Variants in SNX31 observed in about 807,000 individuals in gnomAD.
SNX31 encodes sorting nexin-31.
Under a neutral mutation model 65.4 loss-of-function variants are expected in SNX31, and 58 were observed. That is an observed-to-expected ratio of 0.89 (90% CI 0.72 to 1.10). SNX31 has a LOEUF of 1.10. Ranked by LOEUF, SNX31 falls within the 50% of genes least tolerant of loss-of-function variation. The probability of loss-of-function intolerance (pLI) is 0.00; values close to 1 mark genes in which losing one functional copy is unlikely to be tolerated. For synonymous variants in SNX31, 181 were observed against 190.1 expected (o/e 0.95, Z 0.39); for missense variants, 523 against 529.7 (o/e 0.99, Z 0.12).
At chr8:100,577,351 A>T (rs750743218) in intron 12 of SNX31, among the ~76,000 whole-genome samples, 1 of 152,236 alleles carries the variant, frequency 6.6e-6, no homozygotes, top group Non-Finnish European at 1.5e-5. Context: ...CTTTTAAAAG[A>T]ACATCACACG....
At chr8:100,655,093 CA>C (rs1455479038) in intron 1 of SNX31, among the ~76,000 whole-genome samples, 1 of 152,082 alleles carries the variant, frequency 6.6e-6, no homozygotes, top group East Asian at 1.9e-4. Flanking sequence ...AGGAGGCAGA[CA>C]ATATTCAAAA....
chr8:100,597,670 G>A (rs1297971068), intron 9 of SNX31, among the ~76,000 whole-genome samples: 1 of 152,216 alleles, frequency 6.6e-6, no homozygotes, highest in Non-Finnish European at 1.5e-5. Context: ...ATGGCAATGA[G>A]GGCACGAGCT....
intron 4 of SNX31, among the ~76,000 whole-genome samples, chr8:100,628,700 C>CCG (rs1563567374): frequency 3.3e-5 from 5 of 151,854 alleles, no homozygotes; most frequent in African/African-American, 4.8e-5. Context: ...TGTAACAAAC[C>CCG]TGCATATTGT....
In SNX31 at chr8:100,573,875, T is replaced by C; in HGVS notation, c.1313A>G (p.Glu438Gly). ...DDCVFGNIKEEDL is the reference protein window; with the variant it reads ...DDCVFGNIKEGDL ...ATATGAGAGCTTTCTTCAGAGATCT[T>C]CTTCCTTTATGTTCCCAAAAACGCA... is the stretch of plus-strand genomic sequence containing the variant. Residue 438 changes from glutamate to glycine, a missense_variant, in exon 14 of 14, where the codon GAA (glutamate) becomes GGA (glycine). By Grantham distance (98) the Glu-to-Gly change is moderately conservative. Coordinates refer to ENST00000311812, the MANE Select transcript of SNX31 (RefSeq NM_152628.4). 6.4e-7 allele frequency: 1 copy of C among 1,573,052 alleles called. No individual in the cohort carries two copies. Among genetic ancestry groups the C allele is most frequent in the Non-Finnish European group, 8.6e-7 (1 of 1,159,398 alleles).
intron 4 of SNX31, among the ~76,000 whole-genome samples, chr8:100,621,738 C>T (rs751471535): frequency 7.2e-5 from 11 of 152,226 alleles, no homozygotes; most frequent in Non-Finnish European, 1.5e-4. Flanking sequence ...CCTCCAACAT[C>T]CTAACATTAT....
intron 8 of SNX31, among the ~76,000 whole-genome samples, chr8:100,601,144 C>CTGA (rs1393357266): frequency 2.0e-4 from 31 of 152,138 alleles, no homozygotes; most frequent in African/African-American, 7.0e-4. Flanking sequence ...TAGTGGCAAA[C>CTGA]ACATGTACAG....
intron 8 of SNX31, among the ~76,000 whole-genome samples, chr8:100,607,093 G>A (rs192605418): frequency 7.5e-4 from 114 of 152,294 alleles, no homozygotes; most frequent in Non-Finnish European, 1.2e-3. Flanking sequence ...GGAGGAAAAA[G>A]AACAAGGACA....
intron 5 of SNX31, among the ~76,000 whole-genome samples, chr8:100,615,149 T>C (rs1017737701): frequency 1.3e-5 from 2 of 152,236 alleles, no homozygotes; most frequent in Non-Finnish European, 2.9e-5. Flanking sequence ...TAAACTTACC[T>C]GATCTGATGA....
chr8:100,617,595 G>C (rs1306856773), intron 5 of SNX31, 25 bp downstream of exon 5: 1 of 1,478,472 alleles, frequency 6.8e-7, no homozygotes, highest in African/African-American at 1.4e-5. Flanking sequence ...TTCAGTTCTG[G>C]AGCTGGAGTT....
chr8:100,603,896 C>T (rs1051302511), intron 8 of SNX31, among the ~76,000 whole-genome samples: 1 of 152,152 alleles, frequency 6.6e-6, no homozygotes, highest in Non-Finnish European at 1.5e-5. Context: ...TGCCACCACA[C>T]CTGGCTAATT....
At chr8:100,584,540 T>C (rs1164203028) in intron 11 of SNX31, among the ~76,000 whole-genome samples, 1 of 152,084 alleles carries the variant, frequency 6.6e-6, no homozygotes, top group Non-Finnish European at 1.5e-5. Context: ...AAACTAATTA[T>C]TATTATTATA....
At chr8:100,617,767 CTT>C (rs747344881) in intron 4 of SNX31, 37 bp from the exon 5 acceptor site, 39,969 of 1,209,042 alleles carry the variant, frequency 0.033, no homozygotes, top group South Asian at 0.042. Flanking sequence ...ATTTCCACAC[CTT>C]TTTTTTTTTT....
chr8:100,581,306 AT>A (rs1301575247), intron 12 of SNX31, among the ~76,000 whole-genome samples: 18 of 128,950 alleles, frequency 1.4e-4, no homozygotes, highest in African/African-American at 6.6e-4. Flanking sequence ...CTTTAAAAAA[AT>A]TTTTTATATA....
chr8:100,615,390 A>G (rs904228502), intron 5 of SNX31, among the ~76,000 whole-genome samples: 1 of 152,100 alleles, frequency 6.6e-6, no homozygotes, highest in Admixed American at 6.5e-5. Flanking sequence ...AATAAACACA[A>G]CTGCCATTGT....
Position 100,594,928 on chromosome 8 carries a change from T to G in SNX31, c.978+1711A>C, listed in dbSNP as rs1330250538. On this transcript the variant is annotated intron_variant, in intron 10 of 13. Transcript: ENST00000311812. This position sits in a 1 kb window ranked among gnomAD's most constrained non-coding sequence, Gnocchi z 4.0. Reference sequence around the variant, plus strand: ...TCAATGAGTAAATGGTTAAGCAAACTTTGGCACATCCAGACCATGGACTGC... The same window carrying G: ...TCAATGAGTAAATGGTTAAGCAAACGTTGGCACATCCAGACCATGGACTGC... 6.6e-6 allele frequency among the ~76,000 whole-genome samples: 1 copy of G among 152,196 alleles called. No individual in the cohort carries two copies.
intron 9 of SNX31, 123 bp from the exon 10 acceptor site, chr8:100,596,965 AC>A: frequency 1.3e-6 from 1 of 795,562 alleles, no homozygotes; most frequent in East Asian, 2.5e-5. Flanking sequence ...GAACTGAGTC[AC>A]AGTGAAAGCT....
At chr8:100,601,946 C>G (rs1400184854) in intron 8 of SNX31, among the ~76,000 whole-genome samples, 1 of 152,234 alleles carries the variant, frequency 6.6e-6, no homozygotes, top group Admixed American at 6.5e-5. Context: ...CACCCAGCTC[C>G]CTTCCCCTTT....
intron 12 of SNX31, among the ~76,000 whole-genome samples, chr8:100,577,593 C>T (rs369520457): frequency 1.3e-5 from 2 of 152,096 alleles, no homozygotes; most frequent in African/African-American, 4.8e-5. Flanking sequence ...AGGAAGGAAC[C>T]GTTTAACTAT....
At chr8:100,601,261 C>T (rs200302658) in intron 8 of SNX31, among the ~76,000 whole-genome samples, 1 of 152,120 alleles carries the variant, frequency 6.6e-6, no homozygotes, top group African/African-American at 2.4e-5. Flanking sequence ...AAATGGGTAA[C>T]TGAGTTTGGG....
Sources: gnomAD v4.1 joint callset for allele counts (sites outside exome capture counted in the v4.1 genomes callset) on GRCh38, gnomAD v4.1.1 for gene constraint, Gnocchi (gnomAD v3.1) non-coding constraint, MANE v1.5 for transcripts, NCBI Gene and HGNC (gene_info 2026-07-23, HGNC 2026-07-21) for gene names.